The following ITSN1 variants were observed in gnomAD, a reference collection of about 807,000 sequenced individuals.
ITSN1 encodes intersectin 1.
ITSN1 carries 58 observed loss-of-function variants against 239.8 expected under a neutral mutation model. The observed-to-expected ratio is 0.24, with a 90% CI of 0.20 to 0.30. ITSN1 has a LOEUF of 0.30. Ranked by LOEUF, ITSN1 falls within the 10% of genes least tolerant of loss-of-function variation. The probability of loss-of-function intolerance (pLI) is 1.00; values close to 1 mark genes in which losing one functional copy is unlikely to be tolerated. For missense variants in ITSN1, 1,558 were observed against 2,103.3 expected, an observed-to-expected ratio of 0.74 and a Z score of 5.07; for synonymous variants, 780 against 770.8, an observed-to-expected ratio of 1.01 and a Z score of -0.20.
intron 5 of ITSN1, among the ~76,000 whole-genome samples, chr21:33,745,087 T>C (rs940431441): frequency 3.3e-5 from 5 of 152,202 alleles, no homozygotes; most frequent in Non-Finnish European, 5.9e-5. Flanking sequence ...TGAATAAATA[T>C]AGGCGTTAAG....
At chr21:33,778,849 AT>A (rs2069889059) in intron 14 of ITSN1, among the ~76,000 whole-genome samples, 2 of 151,638 alleles carry the variant, frequency 1.3e-5, no homozygotes, top group Non-Finnish European at 2.9e-5. Context: ...AAGTGCTGGG[AT>A]TACAGGCGTG....
chr21:33,882,523 G>C lies in ITSN1; in HGVS notation c.4554+68G>C. On this transcript the variant is annotated intron_variant, in intron 35 of 39. Transcript: ENST00000381318. This position sits in a 1 kb window ranked among gnomAD's most constrained non-coding sequence, Gnocchi z 4.5. Reference sequence around the variant, plus strand: ...TTGGGGAGGAAGAAGTTTCCAAAAAGGAGGTAGAGTTTTAGCAGGGTCAGG... The same window carrying C: ...TTGGGGAGGAAGAAGTTTCCAAAAACGAGGTAGAGTTTTAGCAGGGTCAGG... 7.1e-7 allele frequency: 1 copy of C among 1,411,578 alleles called. No individual in the cohort carries two copies. The highest frequency in any genetic ancestry group is 1.2e-5 in the South Asian group (1 of 80,710). The allele number at this position is 1,411,578 out of a possible 1,614,324, so 87.4% of individuals were successfully genotyped here. A position where few individuals can be genotyped will look rare whatever the true frequency, so the allele number is the denominator to read the frequency against.
intron 29 of ITSN1, among the ~76,000 whole-genome samples, chr21:33,842,495 G>GGT (rs34019939): frequency 0.024 from 3,576 of 148,072 alleles, 74 homozygotes; most frequent in South Asian, 0.069. Context: ...TGATGTCAAC[G>GGT]GTGTGTGTGT....
chr21:33,856,824 G>A lies in ITSN1; in HGVS notation c.3750G>A (p.Glu1250=), dbSNP rs1979429448. Residue 1250 remains glutamate (E), a synonymous_variant, in exon 30 of 40, where the codon GAG becomes GAA. Coordinates refer to ENST00000381318, the MANE Select transcript of ITSN1 (RefSeq NM_003024.3). ...GYIHELIVTE[E]NYVNDLQLVT... ...TCCACGAGCTCATTGTCACCGAGGAGAACTATGTGAATGACCTGCAGCTGG... is the reference window on the plus strand; with the variant it reads ...TCCACGAGCTCATTGTCACCGAGGAAAACTATGTGAATGACCTGCAGCTGG... 1.2e-6 allele frequency: 2 copies of A among 1,613,928 alleles called. No individual in the cohort carries two copies. Among genetic ancestry groups the A allele is most frequent in the African/African-American group, 2.7e-5 (2 of 75,034 alleles).
At chr21:33,765,768 C>T in intron 9 of ITSN1, 107 bp from the exon 10 acceptor site, 1 of 1,101,980 alleles carries the variant, frequency 9.1e-7, no homozygotes, top group South Asian at 1.4e-5. Context: ...CAAAGAGACT[C>T]AGTTGGCCTG....
At chr21:33,744,541 C>T (rs546697768) in intron 5 of ITSN1, among the ~76,000 whole-genome samples, 8 of 152,256 alleles carry the variant, frequency 5.3e-5, no homozygotes, top group Admixed American at 3.3e-4. Flanking sequence ...GCATCCTTAG[C>T]GTCCAGATTG....
Position 33,875,453 on chromosome 21 carries a change from C to T in ITSN1, c.4273C>T (p.Arg1425Trp), listed in dbSNP as rs187930521. 5.6e-6 allele frequency: 9 copies of T among 1,614,078 alleles called. No individual in the cohort carries two copies. The highest frequency in any genetic ancestry group is 2.2e-5 in the East Asian group (1 of 44,864). Residue 1425 changes from arginine to tryptophan, a missense_variant, in exon 34 of 40, where the codon CGG becomes TGG. Physicochemically the swap from Arg to Trp is moderately radical, Grantham distance 101. Transcript: ENST00000381318. ...CTGTTCCCAGGTGAACGAAGGGGTG[C>T]GGGAGAAGGAGAACTCTGACCGGCT... ...ELCSQVNEGV[R>W]EKENSDRLEW...
At chr21:33,844,684 CTGTT>C (rs761315200) in intron 29 of ITSN1, among the ~76,000 whole-genome samples, 177 of 152,210 alleles carry the variant, frequency 1.2e-3, no homozygotes, top group Non-Finnish European at 2.2e-3. Flanking sequence ...CAGTTCCACT[CTGTT>C]TGTTAGGCCC....
chr21:33,683,034 A>G (rs909565971), intron 1 of ITSN1, among the ~76,000 whole-genome samples: 1 of 152,058 alleles, frequency 6.6e-6, no homozygotes, highest in African/African-American at 2.4e-5. Context: ...TATATGAACT[A>G]TTTACTTAAC....
intron 14 of ITSN1, among the ~76,000 whole-genome samples, chr21:33,777,219 A>G (rs947043213): frequency 6.6e-6 from 1 of 152,220 alleles, no homozygotes; most frequent in Admixed American, 6.5e-5. Context: ...ACCATTTATT[A>G]AAAACACTGG....
At chr21:33,764,088 AAT>A (rs1171854764) in intron 9 of ITSN1, among the ~76,000 whole-genome samples, 5 of 152,230 alleles carry the variant, frequency 3.3e-5, no homozygotes, top group Non-Finnish European at 7.3e-5. Context: ...GGCCCCCTGA[AAT>A]ATAAACTTAA....
intron 22 of ITSN1, chr21:33,817,511 T>C (rs1013877948): frequency 5.4e-6 from 7 of 1,304,428 alleles, no homozygotes; most frequent in Non-Finnish European, 7.1e-6. Context: ...AGGAACTCCT[T>C]TTTAGTATAT....
chr21:33,799,128 T>A (rs553361494), intron 18 of ITSN1, among the ~76,000 whole-genome samples: 1 of 152,298 alleles, frequency 6.6e-6, no homozygotes, highest in African/African-American at 2.4e-5. Context: ...TGTTACTAGT[T>A]TTTGCTAACC....
At chr21:33,879,916 G>T (rs1476101150) in intron 34 of ITSN1, among the ~76,000 whole-genome samples, 1 of 152,238 alleles carries the variant, frequency 6.6e-6, no homozygotes, top group Non-Finnish European at 1.5e-5. Context: ...CTGAACTCAG[G>T]TGATCTGCCC....
rs1016033971 is a variant in ITSN1, at chr21:33,766,020, A to T, written c.926+8A>T. 23 of 1,613,994 alleles carry T rather than the reference A, an allele frequency of 1.4e-5. No homozygotes were observed. Among genetic ancestry groups the T allele is most frequent in the Non-Finnish European group, 1.9e-5 (23 of 1,180,008 alleles). ...CATTCCACCTTCTTTTAGGTAAGGA[A>T]CATGGGCTCTGATCAGGAATTGTAT... On this transcript the variant is annotated splice_region_variant and intron_variant, in intron 10 of 39. Coordinates refer to ENST00000381318, the MANE Select transcript of ITSN1 (RefSeq NM_003024.3).
intron 1 of ITSN1, among the ~76,000 whole-genome samples, chr21:33,709,408 G>A (rs1297138533): frequency 2.6e-5 from 4 of 152,004 alleles, no homozygotes; most frequent in Non-Finnish European, 5.9e-5. Context: ...GGGTTCAAGC[G>A]ATTTTCATGC....
At chr21:33,651,052 C>G (rs1325215437) in intron 1 of ITSN1, among the ~76,000 whole-genome samples, 1 of 152,238 alleles carries the variant, frequency 6.6e-6, no homozygotes, top group Non-Finnish European at 1.5e-5. Flanking sequence ...GGGGCTAGCC[C>G]CAGGCCCTAG....
chr21:33,804,562 A>G (rs977422136), intron 20 of ITSN1, among the ~76,000 whole-genome samples: 1 of 152,208 alleles, frequency 6.6e-6, no homozygotes, highest in African/African-American at 2.4e-5. Flanking sequence ...CTTTCAATTG[A>G]GTCTGACCTT....
intron 1 of ITSN1, among the ~76,000 whole-genome samples, chr21:33,657,769 C>G (rs2300375): frequency 1.3e-5 from 2 of 151,910 alleles, no homozygotes; most frequent in Non-Finnish European, 2.9e-5. Context: ...GAAGGTTGCT[C>G]GAGACCAGGA....
Sources: gnomAD v4.1 joint callset for allele counts (sites outside exome capture counted in the v4.1 genomes callset) on GRCh38, gnomAD v4.1.1 for gene constraint, Gnocchi (gnomAD v3.1) non-coding constraint, MANE v1.5 for transcripts, NCBI Gene and HGNC (gene_info 2026-07-23, HGNC 2026-07-21) for gene names.